SLC35A3: variants seen among roughly 807,000 people sequenced by gnomAD.
SLC35A3 encodes the protein UDP-N-acetylglucosamine transporter.
A neutral mutation model predicts 39.0 loss-of-function variants in SLC35A3; 26 were observed. The ratio of observed to expected loss-of-function variants is 0.67; its 90% CI spans 0.49 to 0.92. The LOEUF is 0.92. SLC35A3 is among the 40% of genes least tolerant of loss of function. The probability of loss-of-function intolerance (pLI) is 0.00; values close to 1 mark genes in which losing one functional copy is unlikely to be tolerated. For synonymous variants in SLC35A3, 135 were observed against 133.1 expected, an observed-to-expected ratio of 1.01 and a Z score of -0.10; for missense variants, 299 against 371.6, an observed-to-expected ratio of 0.80 and a Z score of 1.61.
In SLC35A3 at chr1:100,032,505, A is replaced by G. The variant is rs1661296442; in HGVS notation, c.*10029A>G. 1 of 152,118 alleles carries G rather than the reference A, an allele frequency of 6.6e-6. No individual in the cohort carries two copies. Among genetic ancestry groups the G allele is most frequent in the Admixed American group, 6.5e-5 (1 of 15,278 alleles). The allele number at this position is 152,118 out of a possible 1,614,324, so 9.4% of individuals were successfully genotyped here. On this transcript the variant is annotated 3_prime_UTR_variant, in exon 8 of 8. Transcript: ENST00000533028. ...GGTCACAGTTCTTTTTGATGCTCAT[A>G]TATATTGTGAGCCTCTAGCCCATGT...
At position 100,024,633 on chromosome 1, in the gene SLC35A3, T is replaced by G; in HGVS notation, c.*2157T>G. 1 of 368,534 alleles carries G rather than the reference T, an allele frequency of 2.7e-6. No homozygotes were observed. 22.8% of individuals were successfully genotyped at this position (368,534 alleles called of 1,614,324 possible). A position where few individuals can be genotyped will look rare whatever the true frequency, so the allele number is the denominator to read the frequency against. Reference sequence around the variant, plus strand: ...AAAATAAAATACTTCTTTTTTTTTTTTTTTGAGACAGAGTCTCACTTTGTC... The same window carrying G: ...AAAATAAAATACTTCTTTTTTTTTTGTTTTGAGACAGAGTCTCACTTTGTC... On this transcript the variant is annotated 3_prime_UTR_variant, in exon 8 of 8. Coordinates refer to ENST00000533028, the MANE Select transcript of SLC35A3 (RefSeq NM_012243.3).
chr1:100,012,581 T>C (rs1659745986), intron 5 of SLC35A3, among the ~76,000 whole-genome samples: 1 of 152,198 alleles, frequency 6.6e-6, no homozygotes, highest in African/African-American at 2.4e-5. Context: ...AAGATTAACA[T>C]GATAAGATCC....
intron 1 of SLC35A3, among the ~76,000 whole-genome samples, chr1:99,977,694 A>AT (rs1401081327): frequency 6.6e-6 from 1 of 152,120 alleles, no homozygotes; most frequent in African/African-American, 2.4e-5. Context: ...ACGCCACAAT[A>AT]TCTGGCTAAT....
chr1:99,997,981 T>G (rs139018484), intron 2 of SLC35A3, among the ~76,000 whole-genome samples: 1 of 152,052 alleles, frequency 6.6e-6, no homozygotes, highest in Admixed American at 6.6e-5. Context: ...CTTTTTTTCC[T>G]CTCCTGGTTG....
At chr1:99,992,096 A>G (rs1658124233) in intron 1 of SLC35A3, among the ~76,000 whole-genome samples, 1 of 152,182 alleles carries the variant, frequency 6.6e-6, no homozygotes, top group South Asian at 2.1e-4. Flanking sequence ...GATAGTGTTC[A>G]GATTTTCTAT....
intron 1 of SLC35A3, chr1:99,975,110 T>C (rs1049585159): frequency 6.6e-6 from 1 of 152,144 alleles, no homozygotes; most frequent in Admixed American, 6.5e-5. Flanking sequence ...GCCTGGCTAA[T>C]TTTTTATTTT....
intron 1 of SLC35A3, among the ~76,000 whole-genome samples, chr1:99,981,992 A>G (rs901071224): frequency 6.6e-6 from 1 of 151,096 alleles, no homozygotes; most frequent in Non-Finnish European, 1.5e-5. Flanking sequence ...CTACACCTAC[A>G]AGGATGTATT....
chr1:99,972,714 AATC>A (rs1451213029), intron 1 of SLC35A3, among the ~76,000 whole-genome samples: 1 of 152,190 alleles, frequency 6.6e-6, no homozygotes, highest in African/African-American at 2.4e-5. Flanking sequence ...TTGTTACATT[AATC>A]ATGTAATGAA....
rs1203425487 is a variant in SLC35A3 at position 100,034,374 on chromosome 1, A to T, written c.*11898A>T. On this transcript the variant is annotated 3_prime_UTR_variant, in exon 8 of 8. Transcript: ENST00000533028. ...TATGTTTGTTCAACTCTCATTTTAC[A>T]TCTTACTATTGAGTTTAAAAATTTT... 6.6e-6 allele frequency: 1 copy of T among 152,050 alleles called. No individual in the cohort carries two copies. The highest frequency in any genetic ancestry group is 2.4e-5 in the African/African-American group (1 of 41,400). The allele number at this position is 152,050 out of a possible 1,614,324, so 9.4% of individuals were successfully genotyped here. A position where few individuals can be genotyped will look rare whatever the true frequency, so the allele number is the denominator to read the frequency against.
At chr1:99,989,799 T>G (rs1657968651) in intron 1 of SLC35A3, among the ~76,000 whole-genome samples, 1 of 152,072 alleles carries the variant, frequency 6.6e-6, no homozygotes, top group South Asian at 2.1e-4. Flanking sequence ...AGAGTCTTGC[T>G]CTGTCACCCA....
chr1:99,997,398 TTATATATAGTTTTATA>T lies in SLC35A3; in HGVS notation c.188-1854_188-1839del, dbSNP rs1182247730. The stretch of plus-strand genomic sequence containing the variant: ...GCCAAAATATATACAGTTATATGTT[TTATATATAGTTTTATA>T]TATATATATATATATATATATATAT... On this transcript the variant is annotated intron_variant, in intron 2 of 7. Coordinates refer to ENST00000533028, the MANE Select transcript of SLC35A3 (RefSeq NM_012243.3). Among the ~76,000 whole-genome samples the T allele has an allele frequency of 8.1e-4, 83 of 102,064 alleles. 3 individuals carry two copies. Among genetic ancestry groups the T allele is most frequent in the African/African-American group, 3.1e-3 (81 of 26,230 alleles). 67.0% of individuals were successfully genotyped at this position (102,064 alleles called of 152,430 possible). A position where few individuals can be genotyped will look rare whatever the true frequency, so the allele number is the denominator to read the frequency against.
Position 100,011,378 on chromosome 1 carries a change from C to A in SLC35A3, c.479C>A (p.Ser160Tyr). 1 of 1,525,458 alleles carries A rather than the reference C, an allele frequency of 6.6e-7. No homozygotes were observed. The highest frequency in any genetic ancestry group is 2.0e-5 in the Admixed American group (1 of 49,074). 94.5% of individuals were successfully genotyped at this position (1,525,458 alleles called of 1,614,324 possible). A position where few individuals can be genotyped will look rare whatever the true frequency, so the allele number is the denominator to read the frequency against. The change falls in exon 5 of 8, where the codon TCT (serine) becomes TAT (tyrosine). Residue 160 changes from serine (S) to tyrosine (Y), a missense_variant. Coordinates refer to ENST00000533028, the MANE Select transcript of SLC35A3 (RefSeq NM_012243.3). ...GVAFVQWPSD[S>Y]QLDSKELSAG... ...CTTCTTATTTAGTGGCCCTCAGATT[C>A]TCAGCTTGATTCTAAGGAACTTTCA...
intron 4 of SLC35A3, chr1:100,009,182 G>A (rs1659453480): frequency 6.6e-6 from 1 of 152,132 alleles, no homozygotes; most frequent in African/African-American, 2.4e-5. Flanking sequence ...TTTCAAAAGA[G>A]TTATTGAAGC....
chr1:99,971,678 C>A (rs1656821183), intron 1 of SLC35A3, among the ~76,000 whole-genome samples: 1 of 152,114 alleles, frequency 6.6e-6, no homozygotes, highest in Non-Finnish European at 1.5e-5. Flanking sequence ...TATTTTTTAG[C>A]CAAACTAGTC....
intron 2 of SLC35A3, among the ~76,000 whole-genome samples, chr1:99,997,632 C>A (rs12760189): frequency 1.1e-4 from 17 of 149,422 alleles, no homozygotes; most frequent in Admixed American, 4.0e-4. Flanking sequence ...ATTTTTAAAG[C>A]CTGTTATTCT....
chr1:99,980,990 A>G (rs938259500), intron 1 of SLC35A3, among the ~76,000 whole-genome samples: 1 of 152,206 alleles, frequency 6.6e-6, no homozygotes, highest in Non-Finnish European at 1.5e-5. Flanking sequence ...GGTAGTTAGA[A>G]AAGAATATAT....
At chr1:100,012,119 C>T (rs492466) in intron 5 of SLC35A3, among the ~76,000 whole-genome samples, 13,821 of 151,380 alleles carry the variant, frequency 0.091, 1,115 homozygotes, top group African/African-American at 0.22. Flanking sequence ...CCCATCTCTA[C>T]TAAAAATACA....
intron 2 of SLC35A3, among the ~76,000 whole-genome samples, chr1:99,997,413 TATATATA>T (rs1658473273): frequency 4.1e-4 from 6 of 14,556 alleles, no homozygotes; most frequent in South Asian, 1.3e-3. Context: ...TATAGTTTTA[TATATATA>T]TATATATATA....
intron 1 of SLC35A3, among the ~76,000 whole-genome samples, chr1:99,984,669 A>T (rs948850143): frequency 2.0e-5 from 3 of 152,228 alleles, no homozygotes; most frequent in African/African-American, 7.2e-5. Context: ...ATTGTTTTCC[A>T]TAGTAGTTAT....
Sources: gnomAD v4.1 joint callset for allele counts (sites outside exome capture counted in the v4.1 genomes callset) on GRCh38, gnomAD v4.1.1 for gene constraint, MANE v1.5 for transcripts, NCBI Gene and HGNC (gene_info 2026-07-23, HGNC 2026-07-21) for gene names.